The following DNAJC5B variants were observed in gnomAD, a reference collection of about 807,000 sequenced individuals.
The protein encoded by DNAJC5B is DnaJ heat shock protein family (Hsp40) member C5 beta, also known as dnaJ homolog subfamily C member 5B.
In DNAJC5B, 23 loss-of-function variants were observed where a neutral mutation model predicts 24.7. The observed-to-expected ratio is 0.93, with a 90% CI of 0.67 to 1.32. DNAJC5B has a LOEUF of 1.32. DNAJC5B is among the 40% of genes most tolerant of loss of function. The pLI, the probability that DNAJC5B is intolerant of heterozygous loss-of-function variation, is 0.00. For synonymous variants in DNAJC5B, 101 were observed against 90.1 expected (o/e 1.12, Z -0.68); for missense variants, 238 against 240.8 (o/e 0.99, Z 0.08).
intron 1 of DNAJC5B, among the ~76,000 whole-genome samples, chr8:66,039,767 A>G (rs1806567849): frequency 6.6e-6 from 1 of 152,188 alleles, no homozygotes; most frequent in Admixed American, 6.5e-5. Context: ...ATAGTGCCTT[A>G]CACTGTGATA....
At chr8:66,053,631 CTTTTT>C (rs1349312911) in intron 3 of DNAJC5B, among the ~76,000 whole-genome samples, 1 of 141,154 alleles carries the variant, frequency 7.1e-6, no homozygotes, top group Non-Finnish European at 1.6e-5. Flanking sequence ...CTTCAACTAC[CTTTTT>C]TTTTTTTTTT....
At chr8:66,087,141 G>A (rs1348568357) in intron 5 of DNAJC5B, among the ~76,000 whole-genome samples, 1 of 152,162 alleles carries the variant, frequency 6.6e-6, no homozygotes, top group Non-Finnish European at 1.5e-5. Flanking sequence ...CATGGCTGAG[G>A]AGGCCTCAGG....
chr8:66,037,013 C>A (rs1275427424), intron 1 of DNAJC5B, among the ~76,000 whole-genome samples: 1 of 152,286 alleles, frequency 6.6e-6, no homozygotes, highest in East Asian at 1.9e-4. Context: ...GTGCAGGGAC[C>A]CAGCTCGTTG....
chr8:66,027,742 T>A (rs908203108), intron 1 of DNAJC5B, among the ~76,000 whole-genome samples: 2 of 152,132 alleles, frequency 1.3e-5, no homozygotes, highest in African/African-American at 4.8e-5. Flanking sequence ...CTCTGCATGG[T>A]AGGAACTGAC....
chr8:66,064,391 C>G (rs1807145296), intron 3 of DNAJC5B, among the ~76,000 whole-genome samples: 1 of 152,084 alleles, frequency 6.6e-6, no homozygotes, highest in African/African-American at 2.4e-5. Context: ...AGGAGGAAGG[C>G]CTAGAGAGAG....
At chr8:66,044,331 G>T (rs1018994676) in intron 2 of DNAJC5B, among the ~76,000 whole-genome samples, 2 of 152,178 alleles carry the variant, frequency 1.3e-5, no homozygotes, top group Non-Finnish European at 2.9e-5. Flanking sequence ...GCCATGGAAA[G>T]TGTGTTTGCT....
chr8:66,059,238 G>A (rs1482940690), intron 3 of DNAJC5B, among the ~76,000 whole-genome samples: 1 of 152,156 alleles, frequency 6.6e-6, no homozygotes, highest in East Asian at 1.9e-4. Context: ...ACCAGTGTTT[G>A]CATGAGATAA....
At chr8:66,085,401 C>CTGCA (rs1340452457) in intron 5 of DNAJC5B, among the ~76,000 whole-genome samples, 1 of 152,048 alleles carries the variant, frequency 6.6e-6, no homozygotes, top group Non-Finnish European at 1.5e-5. Context: ...GGTCGTGCCA[C>CTGCA]TGCACTCCAG....
At chr8:66,031,529 T>A (rs1239187063) in intron 1 of DNAJC5B, among the ~76,000 whole-genome samples, 1 of 152,202 alleles carries the variant, frequency 6.6e-6, no homozygotes, top group Non-Finnish European at 1.5e-5. Context: ...TGGATATATG[T>A]GTGTAATGTA....
chr8:66,030,296 T>A (rs919081725), intron 1 of DNAJC5B, among the ~76,000 whole-genome samples: 4 of 152,240 alleles, frequency 2.6e-5, no homozygotes, highest in African/African-American at 7.2e-5. Flanking sequence ...TGGGCCAATG[T>A]CCATTTCCTA....
At chr8:66,034,176 T>TTGTG (rs60916429) in intron 1 of DNAJC5B, among the ~76,000 whole-genome samples, 13,320 of 144,190 alleles carry the variant, frequency 0.092, 1,884 homozygotes, top group African/African-American at 0.31. Context: ...TGTTGTTGTT[T>TTGTG]TGTGTGTGTG....
chr8:66,092,064 G>A (rs1807860617), intron 5 of DNAJC5B, among the ~76,000 whole-genome samples: 1 of 152,140 alleles, frequency 6.6e-6, no homozygotes, highest in Non-Finnish European at 1.5e-5. Context: ...CCCTTTTGGG[G>A]AGATAAAAAT....
At chr8:66,029,614 G>A (rs1382005378) in intron 1 of DNAJC5B, among the ~76,000 whole-genome samples, 1 of 152,150 alleles carries the variant, frequency 6.6e-6, no homozygotes, top group Non-Finnish European at 1.5e-5. Flanking sequence ...CTTGGTCAAG[G>A]GTAGTGACCA....
At chr8:66,061,359 A>G (rs749098526) in intron 3 of DNAJC5B, among the ~76,000 whole-genome samples, 2 of 152,226 alleles carry the variant, frequency 1.3e-5, no homozygotes, top group Non-Finnish European at 2.9e-5. Context: ...CATTCTCTTC[A>G]TAAGTAAAGT....
At chr8:66,067,551 A>G (rs1053043459) in intron 3 of DNAJC5B, among the ~76,000 whole-genome samples, 1 of 152,136 alleles carries the variant, frequency 6.6e-6, no homozygotes, top group African/African-American at 2.4e-5. Context: ...CCCATAGAAT[A>G]TGGCAGAAGT....
chr8:66,034,423 A>G (rs914019705), intron 1 of DNAJC5B, among the ~76,000 whole-genome samples: 4 of 151,998 alleles, frequency 2.6e-5, no homozygotes, highest in African/African-American at 9.7e-5. Flanking sequence ...AGTTAGGAGT[A>G]TTGACAAGGC....
chr8:66,069,030 GA>G (rs1807287187), intron 3 of DNAJC5B, among the ~76,000 whole-genome samples: 3 of 151,364 alleles, frequency 2.0e-5, no homozygotes, highest in Admixed American at 2.0e-4. Context: ...TTTTTTTAGA[GA>G]AAACTGTGAA....
intron 1 of DNAJC5B, among the ~76,000 whole-genome samples, chr8:66,030,699 A>C (rs1375124021): frequency 6.6e-6 from 1 of 152,030 alleles, no homozygotes; most frequent in Non-Finnish European, 1.5e-5. Flanking sequence ...TGCAGTGGCA[A>C]GATCTCAGCT....
intron 1 of DNAJC5B, among the ~76,000 whole-genome samples, chr8:66,022,161 G>A (rs1452025321): frequency 1.3e-5 from 2 of 152,196 alleles, no homozygotes; most frequent in African/African-American, 2.4e-5. Context: ...TGAGAAGTAA[G>A]TAAAACAGCT....
Sources: allele counts gnomAD v4.1 joint callset (sites outside exome capture counted in the v4.1 genomes callset), GRCh38; gene constraint gnomAD v4.1.1; transcripts MANE v1.5; gene names NCBI Gene and HGNC (gene_info 2026-07-23, HGNC 2026-07-21).